CLIP1: variants seen among roughly 807,000 people sequenced by gnomAD.
CLIP1 encodes CAP-Gly domain containing linker protein 1.
In CLIP1, 66 loss-of-function variants were observed where a neutral mutation model predicts 161.6. The ratio of observed to expected loss-of-function variants is 0.41; its 90% CI spans 0.33 to 0.50. The LOEUF is 0.50. CLIP1 is among the 20% of genes least tolerant of loss of function. The probability of loss-of-function intolerance (pLI) is 0.27; values close to 1 mark genes in which losing one functional copy is unlikely to be tolerated. For missense variants in CLIP1, 1,376 were observed against 1,702.0 expected (o/e 0.81, Z 3.37); for synonymous variants, 598 against 626.2 (o/e 0.96, Z 0.67).
chr12:122,380,989 C>T (rs1307729239), intron 1 of CLIP1, among the ~76,000 whole-genome samples: 3 of 152,142 alleles, frequency 2.0e-5, no homozygotes, highest in Admixed American at 1.3e-4. Context: ...TGATCGATCA[C>T]ACCACTGTAC....
chr12:122,338,534 T>C (rs892705927), intron 11 of CLIP1, among the ~76,000 whole-genome samples: 4 of 152,034 alleles, frequency 2.6e-5, no homozygotes, highest in African/African-American at 9.7e-5. Flanking sequence ...CTGGCCAACA[T>C]GGTGAAACCC....
At chr12:122,291,369 T>C (rs564260733) in intron 20 of CLIP1, among the ~76,000 whole-genome samples, 1 of 151,434 alleles carries the variant, frequency 6.6e-6, no homozygotes, top group African/African-American at 2.4e-5. Context: ...TTTCTATTTT[T>C]AGTAGAGACG....
At chr12:122,285,676 T>G (rs1238522527) in intron 21 of CLIP1, among the ~76,000 whole-genome samples, 1 of 146,350 alleles carries the variant, frequency 6.8e-6, no homozygotes, top group East Asian at 2.0e-4. Context: ...ATAGTCTCAC[T>G]ATGTTGCCCA....
At chr12:122,406,414 G>A (rs534684621) in intron 1 of CLIP1, among the ~76,000 whole-genome samples, 2 of 152,344 alleles carry the variant, frequency 1.3e-5, no homozygotes, top group South Asian at 4.1e-4. Flanking sequence ...ACTGACACAA[G>A]TCAGTAAGTA....
intron 18 of CLIP1, among the ~76,000 whole-genome samples, chr12:122,317,833 G>T (rs909271342): frequency 6.6e-6 from 1 of 152,130 alleles, no homozygotes; most frequent in Non-Finnish European, 1.5e-5. Context: ...CAATGGGTCC[G>T]AAAATATGGT....
intron 1 of CLIP1, among the ~76,000 whole-genome samples, chr12:122,382,162 G>T (rs897522262): frequency 3.9e-5 from 6 of 152,100 alleles, no homozygotes; most frequent in African/African-American, 1.2e-4. Context: ...GGGGGTTTGA[G>T]ACCAGCCTGA....
intron 1 of CLIP1, among the ~76,000 whole-genome samples, chr12:122,386,264 C>CG: frequency 6.6e-6 from 1 of 151,798 alleles, no homozygotes; most frequent in Non-Finnish European, 1.5e-5. Flanking sequence ...CCAGCCTGGG[C>CG]AAGTGCAAGA....
intron 21 of CLIP1, among the ~76,000 whole-genome samples, chr12:122,287,799 AC>A (rs1336219964): frequency 6.6e-6 from 1 of 152,226 alleles, no homozygotes; most frequent in Non-Finnish European, 1.5e-5. Flanking sequence ...ACTTAAAATC[AC>A]ATTACCCATT....
At chr12:122,316,400 G>T (rs2136589878) in intron 19 of CLIP1, among the ~76,000 whole-genome samples, 1 of 152,126 alleles carries the variant, frequency 6.6e-6, no homozygotes, top group Admixed American at 6.5e-5. Context: ...TGTAGAAACA[G>T]GGTTTTGCTG....
At chr12:122,281,555 G>C (rs904776429) in intron 21 of CLIP1, among the ~76,000 whole-genome samples, 3 of 151,946 alleles carry the variant, frequency 2.0e-5, no homozygotes, top group Non-Finnish European at 4.4e-5. Flanking sequence ...AATTAGCTAG[G>C]CATGGCAGCG....
chr12:122,405,129 T>C (rs1206853874), intron 1 of CLIP1, among the ~76,000 whole-genome samples: 1 of 152,210 alleles, frequency 6.6e-6, no homozygotes, highest in East Asian at 1.9e-4. Context: ...ACTCAGCCTG[T>C]CCTTTTTTCC....
chr12:122,332,930 A>C, intron 15 of CLIP1, 57 bp downstream of exon 15: 5 of 1,467,476 alleles, frequency 3.4e-6, no homozygotes, highest in African/African-American at 1.4e-5. Context: ...CCTCCCACCT[A>C]GAGCTTGCCG....
chr12:122,391,144 C>A lies in CLIP1; in HGVS notation c.-106-10586G>T, dbSNP rs963461155. On this transcript the variant is annotated intron_variant, in intron 1 of 25. Coordinates refer to ENST00000620786, the MANE Select transcript of CLIP1 (RefSeq NM_001247997.2). ...CTCTACTAAAAATACAAAAATTAGCCAGATGTGGTGGCGGGCACCTGTAAT... is the reference window on the plus strand; with the variant it reads ...CTCTACTAAAAATACAAAAATTAGCAAGATGTGGTGGCGGGCACCTGTAAT... Among the ~76,000 whole-genome samples the A allele has an allele frequency of 2.6e-5, 4 of 151,254 alleles. No individual in the cohort carries two copies. In the East Asian group the frequency reaches 7.8e-4, roughly 29 times the overall value.
At chr12:122,286,652 T>A (rs1490586735) in intron 21 of CLIP1, among the ~76,000 whole-genome samples, 1 of 150,370 alleles carries the variant, frequency 6.7e-6, no homozygotes, top group Non-Finnish European at 1.5e-5. Context: ...TTTCTAAATT[T>A]AAAAAAAGGA....
intron 7 of CLIP1, among the ~76,000 whole-genome samples, chr12:122,353,693 C>T (rs541265901): frequency 1.3e-5 from 2 of 152,064 alleles, no homozygotes; most frequent in Admixed American, 6.5e-5. Context: ...TGCAGTGGCG[C>T]GATCTCGGCT....
chr12:122,298,669 G>C (rs942143165), intron 20 of CLIP1, among the ~76,000 whole-genome samples: 2 of 151,454 alleles, frequency 1.3e-5, no homozygotes, highest in African/African-American at 2.4e-5. Context: ...GAATGATATT[G>C]GGGCTGGGTG....
At chr12:122,353,491 T>C (rs1386166958) in intron 7 of CLIP1, among the ~76,000 whole-genome samples, 1 of 152,170 alleles carries the variant, frequency 6.6e-6, no homozygotes, top group Non-Finnish European at 1.5e-5. Flanking sequence ...GGCATGTGCC[T>C]GTGTCCTAGC....
intron 19 of CLIP1, among the ~76,000 whole-genome samples, chr12:122,312,891 CG>C (rs1428207479): frequency 6.6e-6 from 1 of 152,164 alleles, no homozygotes; most frequent in East Asian, 1.9e-4. Context: ...CGTTAAACCA[CG>C]GAAGAAGTAA....
At chr12:122,295,984 G>A (rs1443149568) in intron 20 of CLIP1, among the ~76,000 whole-genome samples, 2 of 152,080 alleles carry the variant, frequency 1.3e-5, no homozygotes. Flanking sequence ...CAACCTATTT[G>A]TGGCTTTGAA....
Sources: gnomAD v4.1 joint callset for allele counts (sites outside exome capture counted in the v4.1 genomes callset) on GRCh38, gnomAD v4.1.1 for gene constraint, MANE v1.5 for transcripts, NCBI Gene and HGNC (gene_info 2026-07-23, HGNC 2026-07-21) for gene names.